RIC1: variants seen among roughly 807,000 people sequenced by gnomAD.
RIC1 encodes the protein guanine nucleotide exchange factor subunit RIC1.
RIC1 carries 88 observed loss-of-function variants against 169.0 expected under a neutral mutation model. That is an observed-to-expected ratio of 0.52 (90% CI 0.44 to 0.62). The LOEUF is 0.62. Among genes scored for constraint, RIC1 ranks in the 20% least tolerant of loss-of-function variants. The probability of loss-of-function intolerance (pLI) is 0.00; values close to 1 mark genes in which losing one functional copy is unlikely to be tolerated. For missense variants in RIC1, 1,877 were observed against 1,725.5 expected, an observed-to-expected ratio of 1.09 and a Z score of -1.56; for synonymous variants, 790 against 601.5, an observed-to-expected ratio of 1.31 and a Z score of -4.59.
At chr9:5,681,653 T>C (rs952599724) in intron 2 of RIC1, among the ~76,000 whole-genome samples, 8 of 152,214 alleles carry the variant, frequency 5.3e-5, no homozygotes, top group Non-Finnish European at 1.2e-4. Flanking sequence ...TAGATGTCTA[T>C]TAGGTCTGCT....
intron 6 of RIC1, among the ~76,000 whole-genome samples, chr9:5,723,445 T>A (rs201130888): frequency 3.3e-5 from 5 of 152,278 alleles, no homozygotes; most frequent in South Asian, 4.1e-4. Context: ...TTCTTTGTAG[T>A]TTCTGGATAT....
At chr9:5,701,249 T>C (rs1822200167) in intron 3 of RIC1, among the ~76,000 whole-genome samples, 1 of 152,232 alleles carries the variant, frequency 6.6e-6, no homozygotes, top group African/African-American at 2.4e-5. Context: ...GAGATATTTA[T>C]CTTTTTTATG....
chr9:5,693,805 C>G (rs1054854593), intron 3 of RIC1, among the ~76,000 whole-genome samples: 1 of 151,868 alleles, frequency 6.6e-6, no homozygotes, highest in Non-Finnish European at 1.5e-5. Context: ...ATCATGTATA[C>G]TTTGTTGAGA....
chr9:5,655,288 A>G (rs1293941359), intron 1 of RIC1, among the ~76,000 whole-genome samples: 1 of 151,824 alleles, frequency 6.6e-6, no homozygotes, highest in Non-Finnish European at 1.5e-5. Flanking sequence ...TAGTTTGCTC[A>G]GTGTTTTTTG....
intron 7 of RIC1, among the ~76,000 whole-genome samples, chr9:5,736,638 A>T (rs1824723157): frequency 1.3e-5 from 2 of 152,188 alleles, no homozygotes; most frequent in Admixed American, 1.3e-4. Context: ...GTCTCTCTTG[A>T]ATATTAAACT....
At chr9:5,688,164 CTGAT>C (rs1821364269) in intron 2 of RIC1, among the ~76,000 whole-genome samples, 2 of 147,930 alleles carry the variant, frequency 1.4e-5, no homozygotes, top group Non-Finnish European at 3.0e-5. Flanking sequence ...ATTTTAACAT[CTGAT>C]TGAGTTATGC....
In RIC1 at chr9:5,765,450, A is replaced by G. The variant is rs753181064; in HGVS notation, c.2878A>G (p.Thr960Ala). ...CCCTGCAGTAAGTAGGCAACATGCT[A>G]CCCTTCTATTCAACACAGCACTAGA... Reference protein sequence around the residue: ...EVPAVSRQHATLLFNTALEQG... With the variant: ...EVPAVSRQHAALLFNTALEQG... Residue 960 changes from threonine to alanine, a missense_variant, in exon 20 of 26, where the codon ACC (threonine) becomes GCC (alanine). Around this residue, in one of 3 missense-constraint regions of RIC1, gnomAD observed 681 missense variants for 582.0 expected, o/e 1.17. Coordinates refer to ENST00000414202, the MANE Select transcript of RIC1 (RefSeq NM_020829.4). 8 of 1,614,050 alleles carry G rather than the reference A, an allele frequency of 5.0e-6. No homozygotes were observed. The highest frequency in any genetic ancestry group is 1.7e-4 in the Middle Eastern group (1 of 6,058).
intron 2 of RIC1, among the ~76,000 whole-genome samples, chr9:5,676,522 G>A (rs892941346): frequency 2.6e-5 from 4 of 152,156 alleles, no homozygotes; most frequent in Non-Finnish European, 5.9e-5. Context: ...CTAGGGTACA[G>A]AGAGGTTAAG....
chr9:5,630,316 A>G (rs978061078), intron 1 of RIC1, among the ~76,000 whole-genome samples: 2 of 152,338 alleles, frequency 1.3e-5, no homozygotes, highest in Middle Eastern at 3.4e-3. Flanking sequence ...GACAGAGTTC[A>G]GAGTATAAAA....
downstream of RIC1, among the ~76,000 whole-genome samples, chr9:5,777,127 C>T (rs753831984): frequency 3.9e-5 from 6 of 152,160 alleles, no homozygotes; most frequent in South Asian, 6.2e-4. Context: ...TAAATCTTCT[C>T]GTAGGATTAT....
intron 4 of RIC1, among the ~76,000 whole-genome samples, chr9:5,714,322 G>A (rs953256296): frequency 1.3e-5 from 2 of 152,088 alleles, no homozygotes; most frequent in Non-Finnish European, 2.9e-5. Context: ...CACAAGTTGA[G>A]GAAAAGAGAA....
Position 5,770,055 on chromosome 9 carries a change from C to T in RIC1, c.3425-32C>T. 4 of 1,559,300 alleles carry T rather than the reference C, an allele frequency of 2.6e-6. 1 individual carries two copies. The South Asian group carries it at 4.8e-5, about 19-fold the overall frequency. ...CAGTGTGTGCATCTTCAATTTCTTC[C>T]TCCATTTTTTGTTTTCGGACCCACT... is the stretch of plus-strand genomic sequence containing the variant. On this transcript the variant is annotated intron_variant, in intron 22 of 25. Coordinates refer to ENST00000414202, the MANE Select transcript of RIC1 (RefSeq NM_020829.4).
At chr9:5,680,133 T>C (rs1820727337) in intron 2 of RIC1, among the ~76,000 whole-genome samples, 2 of 152,364 alleles carry the variant, frequency 1.3e-5, no homozygotes, top group South Asian at 4.1e-4. Context: ...GTTTATATGC[T>C]GGATTACATT....
At chr9:5,677,190 A>G (rs1010975993) in intron 2 of RIC1, among the ~76,000 whole-genome samples, 1 of 152,216 alleles carries the variant, frequency 6.6e-6, no homozygotes, top group African/African-American at 2.4e-5. Context: ...AACATGTGGT[A>G]GGGTATGCCT....
rs1232976444 is a variant in RIC1 at position 5,741,771 on chromosome 9, C to G, written c.902-1098C>G. Among the ~76,000 whole-genome samples the G allele has an allele frequency of 2.0e-5, 3 of 152,098 alleles. No homozygotes were observed. In the South Asian group the frequency reaches 6.2e-4, roughly 31 times the overall value. ...CCCAAAATCTGAAGCCTTTCTGAGT[C>G]TGTTTCTGCCATGTCTTGATTCTTT... On this transcript the variant is annotated intron_variant, in intron 8 of 25. Coordinates refer to ENST00000414202, the MANE Select transcript of RIC1 (RefSeq NM_020829.4).
intron 2 of RIC1, among the ~76,000 whole-genome samples, chr9:5,659,752 T>A (rs1819337143): frequency 6.6e-6 from 1 of 152,216 alleles, no homozygotes. Context: ...TTTTTAAGTT[T>A]TAAATTTCTT....
At chr9:5,674,207 C>T (rs1008348792) in intron 2 of RIC1, among the ~76,000 whole-genome samples, 5 of 151,908 alleles carry the variant, frequency 3.3e-5, no homozygotes, top group Non-Finnish European at 5.9e-5. Context: ...ATTTTTGTTA[C>T]TTTCTGTGTT....
At chr9:5,771,683 T>C (rs1027215392) in intron 23 of RIC1, among the ~76,000 whole-genome samples, 1 of 152,234 alleles carries the variant, frequency 6.6e-6, no homozygotes, top group African/African-American at 2.4e-5. Flanking sequence ...ACACTCACTT[T>C]CAGTTTTTTG....
chr9:5,674,845 T>C (rs1046154489), intron 2 of RIC1, among the ~76,000 whole-genome samples: 1 of 152,240 alleles, frequency 6.6e-6, no homozygotes, highest in African/African-American at 2.4e-5. Flanking sequence ...GTCACTGTGA[T>C]TCTGTTTTTT....
Sources: allele counts gnomAD v4.1 joint callset (sites outside exome capture counted in the v4.1 genomes callset), GRCh38; gene constraint gnomAD v4.1.1; regional missense constraint gnomAD v4.1.1; transcripts MANE v1.5; gene names NCBI Gene and HGNC (gene_info 2026-07-23, HGNC 2026-07-21).